The following NEBL variants were observed in gnomAD, a reference collection of about 807,000 sequenced individuals.
The protein encoded by NEBL is LIM and SH3 protein 2.
In NEBL, 122 loss-of-function variants were observed where a neutral mutation model predicts 140.2. The ratio of observed to expected loss-of-function variants is 0.87; its 90% CI spans 0.75 to 1.01. NEBL has a LOEUF of 1.01. Ranked by LOEUF, NEBL falls within the 50% of genes least tolerant of loss-of-function variation. The pLI, the probability that NEBL is intolerant of heterozygous loss-of-function variation, is 0.00. For missense variants in NEBL, 1,365 were observed against 1,231.3 expected (o/e 1.11, Z -1.62); for synonymous variants, 436 against 398.9 (o/e 1.09, Z -1.11).
intron 4 of NEBL, among the ~76,000 whole-genome samples, chr10:20,919,313 G>A (rs1044652288): frequency 6.6e-6 from 1 of 152,166 alleles, no homozygotes; most frequent in African/African-American, 2.4e-5. Flanking sequence ...GGATAGGTTT[G>A]TGCAACCTCT....
At chr10:20,929,722 G>C (rs966942962) in intron 4 of NEBL, among the ~76,000 whole-genome samples, 90 of 119,666 alleles carry the variant, frequency 7.5e-4, no homozygotes, top group Non-Finnish European at 3.2e-4. Context: ...ATACAGAGTG[G>C]AATAATAGAC....
chr10:21,222,913 C>T (rs1208366011), intron 3 of NEBL, among the ~76,000 whole-genome samples: 1 of 152,198 alleles, frequency 6.6e-6, no homozygotes, highest in African/African-American at 2.4e-5. Flanking sequence ...CAGGCATGCA[C>T]CACCATGCCC....
intron 3 of NEBL, among the ~76,000 whole-genome samples, chr10:21,191,674 C>G (rs186488241): frequency 6.6e-6 from 1 of 152,206 alleles, no homozygotes; most frequent in South Asian, 2.1e-4. Context: ...TTTGACCACA[C>G]GCCCAAAGGC....
intron 2 of NEBL, among the ~76,000 whole-genome samples, chr10:21,076,483 A>G (rs1335742343): frequency 6.8e-6 from 1 of 148,082 alleles, no homozygotes; most frequent in Non-Finnish European, 1.5e-5. Flanking sequence ...AAGAATTACC[A>G]CACAACCCAA....
At chr10:20,925,983 T>C (rs965821158) in intron 4 of NEBL, among the ~76,000 whole-genome samples, 2 of 152,168 alleles carry the variant, frequency 1.3e-5, no homozygotes, top group African/African-American at 4.8e-5. Context: ...CAGGTGTCCA[T>C]AACATATGGA....
intron 2 of NEBL, among the ~76,000 whole-genome samples, chr10:21,100,413 C>G (rs1341924739): frequency 6.6e-6 from 1 of 152,182 alleles, no homozygotes; most frequent in Non-Finnish European, 1.5e-5. Context: ...TGCGGGCTGC[C>G]GCAGTTGTTA....
At chr10:21,260,060 G>A (rs1444725344) in intron 1 of NEBL, among the ~76,000 whole-genome samples, 1 of 152,188 alleles carries the variant, frequency 6.6e-6, no homozygotes, top group Non-Finnish European at 1.5e-5. Context: ...ACCCAGTCCT[G>A]CCTTGCATCT....
At chr10:21,190,409 G>T (rs1841552073) in intron 3 of NEBL, among the ~76,000 whole-genome samples, 1 of 152,124 alleles carries the variant, frequency 6.6e-6, no homozygotes. Flanking sequence ...GCTTGAGCCT[G>T]GGAGGTAGAG....
intron 2 of NEBL, 87 bp from the exon 3 acceptor site, chr10:20,890,036 C>A: frequency 2.3e-6 from 2 of 865,560 alleles, no homozygotes; most frequent in South Asian, 1.6e-5. Flanking sequence ...TTGATAAAGT[C>A]CATTTACTGA....
intron 5 of NEBL, among the ~76,000 whole-genome samples, chr10:20,876,530 T>C (rs1261891396): frequency 6.6e-6 from 1 of 152,178 alleles, no homozygotes; most frequent in Non-Finnish European, 1.5e-5. Flanking sequence ...GGAATAGAAA[T>C]TGTTTACTGA....
intron 2 of NEBL, among the ~76,000 whole-genome samples, chr10:21,038,684 G>T (rs905804876): frequency 1.3e-5 from 2 of 152,176 alleles, no homozygotes; most frequent in African/African-American, 4.8e-5. Flanking sequence ...GTGTGCATGA[G>T]TCTTTATAGT....
chr10:21,252,137 T>C (rs1229887986), intron 1 of NEBL, among the ~76,000 whole-genome samples: 1 of 152,234 alleles, frequency 6.6e-6, no homozygotes, highest in East Asian at 1.9e-4. Flanking sequence ...TCTCCGGCTT[T>C]TGAAGTATTA....
Position 21,082,535 on chromosome 10 carries a change from T to TAAAAAAAAAAAAAAAAA in NEBL, c.165-62351_165-62335dup, listed in dbSNP as rs61234594. Among the ~76,000 whole-genome samples the TAAAAAAAAAAAAAAAAA allele has an allele frequency of 1.4e-4, 16 of 117,286 alleles. 1 individual carries two copies. Among genetic ancestry groups the TAAAAAAAAAAAAAAAAA allele is most frequent in the South Asian group, 5.6e-4 (2 of 3,550 alleles). The allele number at this position is 117,286 out of a possible 152,430, so 76.9% of individuals were successfully genotyped here. On this transcript the variant is annotated intron_variant, in intron 2 of 6. Coordinates refer to the NEBL transcript ENST00000417816. ...AGTTTGAAGTGTTCCCCACCACCAC[T>TAAAAAAAAAAAAAAAAA]AAAAAAAAAAAAAAAAAAAAAAAAA... is the stretch of plus-strand genomic sequence containing the variant.
intron 3 of NEBL, among the ~76,000 whole-genome samples, chr10:20,978,718 G>A (rs568677072): frequency 2.2e-4 from 34 of 151,250 alleles, no homozygotes; most frequent in Non-Finnish European, 4.6e-4. Context: ...TTGTGCCACT[G>A]CACTCCAGCC....
At chr10:20,876,172 G>C (rs1243528741) in intron 5 of NEBL, among the ~76,000 whole-genome samples, 1 of 152,236 alleles carries the variant, frequency 6.6e-6, no homozygotes, top group African/African-American at 2.4e-5. Context: ...CTATTCAGAA[G>C]AGAGAAAAAG....
At chr10:20,930,891 C>T (rs931574961) in intron 4 of NEBL, among the ~76,000 whole-genome samples, 6 of 152,080 alleles carry the variant, frequency 3.9e-5, no homozygotes, top group Non-Finnish European at 7.4e-5. Flanking sequence ...TGTCCATTTG[C>T]AATCTGGAAC....
intron 2 of NEBL, among the ~76,000 whole-genome samples, chr10:21,116,743 C>A (rs1302221195): frequency 6.6e-6 from 1 of 152,046 alleles, no homozygotes; most frequent in African/African-American, 2.4e-5. Flanking sequence ...AATCATAGCT[C>A]AATGCAACCT....
Position 20,994,691 on chromosome 10 carries a change from G to A in NEBL, c.249+25426C>T, listed in dbSNP as rs11012467. ...AGCTTTACTGATAACATAAACAGTC[G>A]ATTAACACATAGTTAGTATGCTCTA... On this transcript the variant is annotated intron_variant, in intron 3 of 6. Coordinates refer to the NEBL transcript ENST00000417816. 0.021 allele frequency among the ~76,000 whole-genome samples: 3,192 copies of A among 152,158 alleles called. 392 individuals carry two copies. The East Asian group carries it at 0.36, about 17-fold the overall frequency.
chr10:20,827,501 T>C (rs1432269954), intron 17 of NEBL, among the ~76,000 whole-genome samples: 1 of 152,258 alleles, frequency 6.6e-6, no homozygotes, highest in Non-Finnish European at 1.5e-5. Context: ...TTTGATGAGA[T>C]GCTTCCTTAA....
Sources: gnomAD v4.1 joint callset for allele counts (sites outside exome capture counted in the v4.1 genomes callset) on GRCh38, gnomAD v4.1.1 for gene constraint, MANE v1.5 for transcripts, NCBI Gene and HGNC (gene_info 2026-07-23, HGNC 2026-07-21) for gene names.